The following MALRD1 variants were observed in gnomAD, a reference collection of about 807,000 sequenced individuals.
MALRD1 encodes MAM and LDL receptor class A domain containing 1, also known as MAM and LDL-receptor class A domain-containing protein 1.
A neutral mutation model predicts 242.1 loss-of-function variants in MALRD1; 247 were observed. The observed-to-expected ratio is 1.02, with a 90% CI of 0.92 to 1.13. The LOEUF is 1.13. MALRD1 is among the 50% of genes most tolerant of loss of function. The probability of loss-of-function intolerance (pLI) is 0.00; values close to 1 mark genes in which losing one functional copy is unlikely to be tolerated. For synonymous variants in MALRD1, 995 were observed against 866.6 expected, an observed-to-expected ratio of 1.15 and a Z score of -2.60; for missense variants, 2,989 against 2,533.1, an observed-to-expected ratio of 1.18 and a Z score of -3.86.
intron 21 of MALRD1, among the ~76,000 whole-genome samples, chr10:19,319,633 G>T (rs965488396): frequency 1.3e-5 from 2 of 152,052 alleles, no homozygotes; most frequent in African/African-American, 4.8e-5. Flanking sequence ...GGTGCTGGCG[G>T]AATTGGTATC....
chr10:19,066,987 G>A, intron 2 of MALRD1, 128 bp downstream of exon 2: 1 of 616,740 alleles, frequency 1.6e-6, no homozygotes, highest in East Asian at 3.5e-5. Flanking sequence ...TAGGGAAGCA[G>A]AATCTTGTCT....
intron 36 of MALRD1, among the ~76,000 whole-genome samples, chr10:19,659,697 G>T (rs946220021): frequency 6.6e-6 from 1 of 151,958 alleles, no homozygotes; most frequent in African/African-American, 2.4e-5. Context: ...ATTACATATA[G>T]ATTGCATATT....
At chr10:19,500,931 G>A (rs1837939010) in intron 31 of MALRD1, among the ~76,000 whole-genome samples, 2 of 151,840 alleles carry the variant, frequency 1.3e-5, no homozygotes, top group South Asian at 4.2e-4. Flanking sequence ...CATTACAGAA[G>A]GAGGGAAAAG....
At chr10:19,306,366 G>A (rs150858439) in intron 21 of MALRD1, among the ~76,000 whole-genome samples, 3,128 of 107,496 alleles carry the variant, frequency 0.029, 50 homozygotes, top group South Asian at 0.038. Context: ...ATATAGTGTC[G>A]TATATATACC....
At chr10:19,326,987 A>T (rs540125363) in intron 22 of MALRD1, among the ~76,000 whole-genome samples, 5 of 152,000 alleles carry the variant, frequency 3.3e-5, no homozygotes, top group African/African-American at 7.2e-5. Context: ...AGTAATCTGG[A>T]TTCTGCTTTA....
intron 36 of MALRD1, among the ~76,000 whole-genome samples, chr10:19,637,917 A>G (rs1291164707): frequency 1.3e-5 from 2 of 151,854 alleles, no homozygotes; most frequent in Non-Finnish European, 2.9e-5. Context: ...CCTGGCCAAT[A>G]TGGTGAAACC....
intron 36 of MALRD1, among the ~76,000 whole-genome samples, chr10:19,627,632 G>A (rs573797373): frequency 6.6e-6 from 1 of 151,502 alleles, no homozygotes; most frequent in Non-Finnish European, 1.5e-5. Context: ...GTGGTGGCAG[G>A]TTCCTGTAAT....
At chr10:19,113,390 A>G (rs1836750196) in intron 5 of MALRD1, among the ~76,000 whole-genome samples, 2 of 152,038 alleles carry the variant, frequency 1.3e-5, no homozygotes, top group Admixed American at 1.3e-4. Flanking sequence ...CCTGGGTATT[A>G]TGCAAACCTC....
At chr10:19,338,873 A>T (rs1461700796) in intron 24 of MALRD1, among the ~76,000 whole-genome samples, 3 of 147,640 alleles carry the variant, frequency 2.0e-5, no homozygotes, top group Non-Finnish European at 4.4e-5. Context: ...ATATATATAT[A>T]CACACACACA....
At chr10:19,371,398 C>A (rs942675973) in intron 26 of MALRD1, among the ~76,000 whole-genome samples, 4 of 152,168 alleles carry the variant, frequency 2.6e-5, no homozygotes, top group South Asian at 2.1e-4. Flanking sequence ...TTCTCAATAT[C>A]CTAAGAGATT....
chr10:19,343,384 G>T (rs2130965475), intron 24 of MALRD1, among the ~76,000 whole-genome samples: 1 of 152,154 alleles, frequency 6.6e-6, no homozygotes, highest in South Asian at 2.1e-4. Flanking sequence ...CTCAATGTTT[G>T]AAAGTCTGCA....
intron 33 of MALRD1, among the ~76,000 whole-genome samples, chr10:19,585,641 T>G (rs375397839): frequency 2.6e-5 from 4 of 152,134 alleles, no homozygotes; most frequent in African/African-American, 9.7e-5. Flanking sequence ...CGACCTTTCT[T>G]TCTGGCTGCC....
chr10:19,696,799 C>G (rs1833399801), intron 38 of MALRD1, among the ~76,000 whole-genome samples: 1 of 151,806 alleles, frequency 6.6e-6, no homozygotes, highest in African/African-American at 2.4e-5. Context: ...GCCTGTAATC[C>G]CAGCTGCTTG....
chr10:19,071,849 T>C (rs1484619561), intron 2 of MALRD1, among the ~76,000 whole-genome samples: 1 of 152,164 alleles, frequency 6.6e-6, no homozygotes, highest in Non-Finnish European at 1.5e-5. Context: ...AATATCTGTT[T>C]ATTTTTAAAT....
intron 19 of MALRD1, among the ~76,000 whole-genome samples, chr10:19,269,178 T>G (rs1446620035): frequency 6.6e-6 from 1 of 152,214 alleles, no homozygotes; most frequent in Non-Finnish European, 1.5e-5. Context: ...AGTTGAATAT[T>G]TTCCCCACTC....
chr10:19,063,299 T>G (rs569594954), intron 1 of MALRD1, among the ~76,000 whole-genome samples: 24 of 152,262 alleles, frequency 1.6e-4, no homozygotes, highest in Non-Finnish European at 2.5e-4. Context: ...AATTTTGAAA[T>G]AAGTGTGGTT....
At chr10:19,685,696 C>T (rs553800865) in intron 36 of MALRD1, among the ~76,000 whole-genome samples, 6 of 152,170 alleles carry the variant, frequency 3.9e-5, no homozygotes, top group Admixed American at 2.0e-4. Context: ...TATCCCTAGG[C>T]TGCTTATTGT....
chr10:19,124,753 G>A lies in MALRD1; in HGVS notation c.943+83G>A. On this transcript the variant is annotated intron_variant, in intron 7 of 39. Coordinates refer to ENST00000454679, the MANE Select transcript of MALRD1 (RefSeq NM_001142308.3). ...CTAGTTATAAGACATTACATAGGAG[G>A]CCTTGGTGAATATACTGAGTATATT... The A allele has an allele frequency of 4.5e-6, 5 of 1,119,996 alleles. 1 individual carries two copies. The highest frequency in any genetic ancestry group is 5.6e-6 in the Non-Finnish European group (5 of 887,044). The allele number at this position is 1,119,996 out of a possible 1,614,324, so 69.4% of individuals were successfully genotyped here.
rs1470174582 is a variant in MALRD1 at position 19,257,669 on chromosome 10, A to G, written c.2992-15A>G. On this transcript the variant is annotated splice_polypyrimidine_tract_variant and intron_variant, in intron 18 of 39. Coordinates refer to ENST00000454679, the MANE Select transcript of MALRD1 (RefSeq NM_001142308.3). ...AACACATTTCTTATTTTTATTTTTT[A>G]TTTTATTTTTTTAGATATTGGTGGA... 1 of 1,498,224 alleles carries G rather than the reference A, an allele frequency of 6.7e-7. No homozygotes were observed. Among genetic ancestry groups the G allele is most frequent in the South Asian group, 1.3e-5 (1 of 78,072 alleles). 92.8% of individuals were successfully genotyped at this position (1,498,224 alleles called of 1,614,324 possible).
Sources: gnomAD v4.1 joint callset for allele counts (sites outside exome capture counted in the v4.1 genomes callset) on GRCh38, gnomAD v4.1.1 for gene constraint, MANE v1.5 for transcripts, NCBI Gene and HGNC (gene_info 2026-07-23, HGNC 2026-07-21) for gene names.